Variants in KRI1 observed in about 807,000 individuals in gnomAD.
KRI1 encodes KRI1 homolog.
In KRI1, 83 loss-of-function variants were observed where a neutral mutation model predicts 97.0. That is an observed-to-expected ratio of 0.86 (90% CI 0.72 to 1.03). The LOEUF (loss-of-function observed/expected upper bound fraction) is 1.03, where lower values mean the gene tolerates loss of function less well. Ranked by LOEUF, KRI1 falls within the 50% of genes least tolerant of loss-of-function variation. The pLI, the probability that KRI1 is intolerant of heterozygous loss-of-function variation, is 0.00. For synonymous variants in KRI1, 371 were observed against 363.5 expected (o/e 1.02, Z -0.23); for missense variants, 916 against 928.4 (o/e 0.99, Z 0.17).
intron 17 of KRI1, 46 bp downstream of exon 17, chr19:10,555,239 G>A (rs539354663): frequency 1.9e-6 from 3 of 1,612,978 alleles, no homozygotes; most frequent in Non-Finnish European, 2.5e-6. Context: ...GAGGCTGCCC[G>A]CCCTGCCCCC....
rs1298632624 is a variant in KRI1 at position 10,564,997 on chromosome 19, G to A, written c.206C>T (p.Thr69Met). Residue 69 changes from threonine (T) to methionine (M), a missense_variant, in exon 3 of 19, where the codon ACG (threonine) becomes ATG (methionine). Transcript: ENST00000312962. ...DPQQERDFYK[T>M]LSLLKKKDPR... ...GTCCTTCTTCTTCAACAAGGAGAGC[G>A]TTTTGTAAAAGTCCCGCTCCTGCTG... 17 of 1,613,648 alleles carry A rather than the reference G, an allele frequency of 1.1e-5. No individual in the cohort carries two copies. The highest frequency in any genetic ancestry group is 1.4e-5 in the Non-Finnish European group (17 of 1,179,796).
chr19:10,562,890 T>C (rs1916743824), intron 3 of KRI1, 53 bp from the exon 4 acceptor site: 5 of 1,134,598 alleles, frequency 4.4e-6, no homozygotes, highest in East Asian at 2.3e-5. Flanking sequence ...TTCTTTGCCG[T>C]GGCAGAGAAT....
Position 10,565,783 on chromosome 19 carries a change from AT to A in KRI1, c.101del (p.Asp34ValfsTer40), listed in dbSNP as rs1327344626. ...TGCTGCTGTCTCGGTCCCCGTAGCG[AT>A]CCTTCACTGCGGGACACAGACGGGA... The part of the protein sequence containing the change: ...REREELQRLK[D>X]RYGDRDSSSD... On this transcript the variant is annotated frameshift_variant, in exon 2 of 19. Transcript: ENST00000312962. LOFTEE classifies it high-confidence loss of function. 1 of 1,572,350 alleles carries A rather than the reference AT, an allele frequency of 6.4e-7. No homozygotes were observed.
Position 10,554,293 on chromosome 19 carries a change from A to G in KRI1, c.1782-12T>C, listed in dbSNP as rs1444086485. 6.2e-7 allele frequency: 1 copy of G among 1,609,372 alleles called. No homozygotes were observed. Among genetic ancestry groups the G allele is most frequent in the East Asian group, 2.2e-5 (1 of 44,834 alleles). On this transcript the variant is annotated splice_polypyrimidine_tract_variant and intron_variant, in intron 18 of 18. Transcript: ENST00000312962. ...CAGGTGTCTCTGCCCTGAGGGAGAA[A>G]AGTCAGGGCTCAGCCCAGGCCTGTC...
At position 10,556,322 on chromosome 19, in the gene KRI1, C is replaced by T. The variant is rs74906879; in HGVS notation, c.1618-973G>A. The stretch of plus-strand genomic sequence containing the variant: ...ACAGGTGTGAGCCAGTGTGACCAGC[C>T]CTGCTACCAAGTCTTACCAGCCAGA... On this transcript the variant is annotated intron_variant, in intron 16 of 18. Transcript: ENST00000312962. Among the ~76,000 whole-genome samples the T allele has an allele frequency of 1.3e-3, 196 of 152,216 alleles. 3 individuals carry two copies. The East Asian group carries it at 0.033, about 26-fold the overall frequency.
At chr19:10,554,606 C>T (rs1056411205) in intron 18 of KRI1, among the ~76,000 whole-genome samples, 5 of 152,042 alleles carry the variant, frequency 3.3e-5, no homozygotes, top group East Asian at 1.9e-4. Flanking sequence ...AGTGCAGTCG[C>T]GTTACCATAG....
At chr19:10,565,624 G>A in intron 2 of KRI1, 93 bp downstream of exon 2, 2 of 1,446,966 alleles carry the variant, frequency 1.4e-6, no homozygotes, top group Non-Finnish European at 1.8e-6. Flanking sequence ...GGGCGCTCTG[G>A]GGTTGGGGGT....
intron 16 of KRI1, among the ~76,000 whole-genome samples, chr19:10,555,809 C>T (rs1192584718): frequency 1.3e-5 from 2 of 152,200 alleles, no homozygotes; most frequent in African/African-American, 4.8e-5. Flanking sequence ...TACACATCGG[C>T]TATTTTTACT....
rs868832100 is a variant in KRI1, at chr19:10,565,996, G to C, written c.4C>G (p.Pro2Ala). M[P>A]EPRGSSQLRV... The stretch of plus-strand genomic sequence containing the variant: ...AGCTGCGACGACCCGCGCGGTTCCG[G>C]CATGGCGGTTCTGTGGCCCATTGCG... Residue 2 changes from proline to alanine, a missense_variant, in exon 1 of 19, where the codon CCG becomes GCG. Physicochemically the swap from Pro to Ala is conservative, Grantham distance 27. This residue lies in a region of KRI1 where 173 missense variants were observed against 153.1 expected (regional missense o/e 1.13). Transcript: ENST00000312962. 6.6e-6 allele frequency: 10 copies of C among 1,520,100 alleles called. No individual in the cohort carries two copies. The East Asian group carries it at 2.1e-4, about 31-fold the overall frequency. The allele number at this position is 1,520,100 out of a possible 1,614,324, so 94.2% of individuals were successfully genotyped here.
intron 13 of KRI1, 44 bp from the exon 14 acceptor site, chr19:10,558,104 T>C (rs1315824547): frequency 1.9e-6 from 3 of 1,613,020 alleles, no homozygotes; most frequent in Non-Finnish European, 2.5e-6. Context: ...GGTGGGACCT[T>C]GGGCTTCAGT....
intron 1 of KRI1, 53 bp downstream of exon 1, chr19:10,565,853 T>C: frequency 6.5e-7 from 1 of 1,533,794 alleles, no homozygotes; most frequent in South Asian, 1.2e-5. Context: ...GACTCCCCAC[T>C]TCCCAACCGG....
At chr19:10,564,797 C>T (rs1916810033) in intron 3 of KRI1, 132 bp downstream of exon 3, 1 of 725,114 alleles carries the variant, frequency 1.4e-6, no homozygotes, top group Non-Finnish European at 2.5e-6. Context: ...GGAGATGCTA[C>T]CGTTAGATAT....
At chr19:10,565,495 T>A in intron 2 of KRI1, 2 of 514,168 alleles carry the variant, frequency 3.9e-6, no homozygotes, top group South Asian at 2.3e-5. Flanking sequence ...CACATCAGAG[T>A]GGGCAGGTGG....
rs547509604 is a variant in KRI1, at chr19:10,565,795, G to A, written c.95-5C>T. ...GGTCCCCGTAGCGATCCTTCACTGC[G>A]GGACACAGACGGGATGCCCCCCCCC... On this transcript the variant is annotated splice_polypyrimidine_tract_variant and splice_region_variant and intron_variant, in intron 1 of 18. Transcript: ENST00000312962. 7.7e-6 allele frequency: 12 copies of A among 1,559,636 alleles called. No homozygotes were observed. Among genetic ancestry groups the A allele is most frequent in the South Asian group, 2.3e-5 (2 of 85,846 alleles).
In KRI1 at chr19:10,565,945, G is replaced by C; in HGVS notation, c.55C>G (p.Arg19Gly). 2 of 1,530,474 alleles carry C rather than the reference G, an allele frequency of 1.3e-6. No homozygotes were observed. Among genetic ancestry groups the C allele is most frequent in the Middle Eastern group, 1.9e-4 (1 of 5,316 alleles). The allele number at this position is 1,530,474 out of a possible 1,614,324, so 94.8% of individuals were successfully genotyped here. The change falls in exon 1 of 19, where the codon CGG (arginine) becomes GGG (glycine). Residue 19 changes from arginine to glycine, a missense_variant. Coordinates refer to ENST00000312962, the MANE Select transcript of KRI1 (RefSeq NM_023008.5). Reference sequence around the variant, plus strand: ...TCGCGCTCCCGGTAGCGGTTGTACCGCGCGGCAAACGCCGCGTTCACCCGC... The same window carrying C: ...TCGCGCTCCCGGTAGCGGTTGTACCCCGCGGCAAACGCCGCGTTCACCCGC... ...QLRVNAAFAA[R>G]YNRYREREEL...
intron 9 of KRI1, 84 bp from the exon 10 acceptor site, chr19:10,560,020 A>C: frequency 7.3e-6 from 11 of 1,503,514 alleles, no homozygotes; most frequent in Non-Finnish European, 9.9e-6. Context: ...TACGAAGCGT[A>C]TGAACTCATT....
In KRI1 at chr19:10,553,948, T is replaced by C. The variant is rs2144708785; in HGVS notation, c.*3A>G. 5.7e-6 allele frequency: 9 copies of C among 1,586,310 alleles called. No individual in the cohort carries two copies. The highest frequency in any genetic ancestry group is 1.1e-5 in the South Asian group (1 of 87,646). ...CCTGAGGCCCCTGCCTGCTCCCTGGTGCTCAGGAGCTGTTCTTGGGCCCCT... is the reference window on the plus strand; with the variant it reads ...CCTGAGGCCCCTGCCTGCTCCCTGGCGCTCAGGAGCTGTTCTTGGGCCCCT... On this transcript the variant is annotated 3_prime_UTR_variant, in exon 19 of 19. Transcript: ENST00000312962.
In KRI1 at chr19:10,555,152, C is replaced by G. The variant is rs142680117; in HGVS notation, c.1716G>C (p.Ala572=). The G allele has an allele frequency of 2.5e-6, 4 of 1,612,600 alleles. No individual in the cohort carries two copies. The highest frequency in any genetic ancestry group is 3.4e-6 in the Non-Finnish European group (4 of 1,179,572). The change falls in exon 18 of 19, where the codon GCG becomes GCC. Residue 572 remains alanine (A), a synonymous_variant. Coordinates refer to ENST00000312962, the MANE Select transcript of KRI1 (RefSeq NM_023008.5). The part of the protein sequence containing the change: ...SEQEELRDKR[A]YSQKAQNSWK... ...ATGAGTTCTGGGCCTTCTGGCTGTA[C>G]GCCCGCTTGTCCCGCAGCTCCTCCT...
At position 10,565,965 on chromosome 19, in the gene KRI1, A is replaced by C. The variant is rs761352738; in HGVS notation, c.35T>G (p.Val12Gly). 2 of 1,526,866 alleles carry C rather than the reference A, an allele frequency of 1.3e-6. No individual in the cohort carries two copies. 94.6% of individuals were successfully genotyped at this position (1,526,866 alleles called of 1,614,324 possible). A position where few individuals can be genotyped will look rare whatever the true frequency, so the allele number is the denominator to read the frequency against. ...GTACCGCGCGGCAAACGCCGCGTTC[A>C]CCCGCAGCTGCGACGACCCGCGCGG... is the stretch of plus-strand genomic sequence containing the variant. ...PEPRGSSQLRVNAAFAARYNR... is the reference protein window; with the variant it reads ...PEPRGSSQLRGNAAFAARYNR... The change falls in exon 1 of 19, where the codon GTG (valine) becomes GGG (glycine). Residue 12 changes from valine (V) to glycine (G), a missense_variant. Coordinates refer to ENST00000312962, the MANE Select transcript of KRI1 (RefSeq NM_023008.5).
Sources: allele counts gnomAD v4.1 joint callset (sites outside exome capture counted in the v4.1 genomes callset), GRCh38; gene constraint gnomAD v4.1.1; regional missense constraint gnomAD v4.1.1; transcripts MANE v1.5; gene names NCBI Gene and HGNC (gene_info 2026-07-23, HGNC 2026-07-21).